The following CPXM2 variants were observed in gnomAD, a reference collection of about 807,000 sequenced individuals.
The protein encoded by CPXM2 is inactive carboxypeptidase-like protein X2.
Under a neutral mutation model 86.1 loss-of-function variants are expected in CPXM2, and 66 were observed. The observed-to-expected ratio is 0.77, with a 90% CI of 0.63 to 0.94. CPXM2 has a LOEUF of 0.94. Ranked by LOEUF, CPXM2 falls within the 40% of genes least tolerant of loss-of-function variation. The pLI is 0.00. For missense variants in CPXM2, 948 were observed against 1,026.3 expected (o/e 0.92, Z 1.04); for synonymous variants, 388 against 400.2 (o/e 0.97, Z 0.36).
intron 3 of CPXM2, among the ~76,000 whole-genome samples, chr10:123,859,800 G>A (rs1278734383): frequency 6.6e-6 from 1 of 152,198 alleles, no homozygotes; most frequent in African/African-American, 2.4e-5. Context: ...ATTCACTGAG[G>A]GGAGCTTGGC....
intron 2 of CPXM2, among the ~76,000 whole-genome samples, chr10:123,924,080 ACT>A (rs1945602497): frequency 6.6e-6 from 1 of 152,022 alleles, no homozygotes; most frequent in Non-Finnish European, 1.5e-5. Context: ...AGGGAAAAAC[ACT>A]CTTTTTCTTT....
chr10:123,869,297 C>T (rs894078410), intron 2 of CPXM2, among the ~76,000 whole-genome samples: 1 of 152,208 alleles, frequency 6.6e-6, no homozygotes. Context: ...CGCTCAGTGA[C>T]TCTTGAGCCA....
At chr10:123,841,791 C>T (rs17106110) in intron 4 of CPXM2, among the ~76,000 whole-genome samples, 27,438 of 152,238 alleles carry the variant, frequency 0.18, 3,354 homozygotes, top group East Asian at 0.4. Context: ...CATCAGATCA[C>T]ACTTGTCACT....
At chr10:123,917,104 T>C (rs1276479466) in intron 2 of CPXM2, among the ~76,000 whole-genome samples, 2 of 152,084 alleles carry the variant, frequency 1.3e-5, no homozygotes, top group African/African-American at 4.8e-5. Context: ...GATGGAGGCA[T>C]AGACATTCAG....
chr10:123,795,222 C>G (rs1847306255), intron 6 of CPXM2, among the ~76,000 whole-genome samples: 1 of 152,190 alleles, frequency 6.6e-6, no homozygotes, highest in Non-Finnish European at 1.5e-5. Flanking sequence ...AACTGACAGT[C>G]TGTACCCACT....
intron 2 of CPXM2, among the ~76,000 whole-genome samples, chr10:123,920,903 C>G (rs9423279): frequency 0.53 from 81,169 of 152,008 alleles, 24,666 homozygotes; most frequent in East Asian, 0.87. Flanking sequence ...ACCATGGGAT[C>G]ATGCAGTAAG....
intron 2 of CPXM2, among the ~76,000 whole-genome samples, chr10:123,864,654 C>A (rs912355801): frequency 6.6e-6 from 1 of 152,174 alleles, no homozygotes; most frequent in African/African-American, 2.4e-5. Flanking sequence ...CATTTATACA[C>A]TCTAAGTGAG....
At chr10:123,767,528 A>G (rs917169025) in intron 9 of CPXM2, among the ~76,000 whole-genome samples, 7 of 152,290 alleles carry the variant, frequency 4.6e-5, no homozygotes, top group Admixed American at 3.9e-4. Context: ...CTGCCTGCCC[A>G]TGATTCTGGC....
intron 2 of CPXM2, among the ~76,000 whole-genome samples, chr10:123,879,057 C>T (rs1251785935): frequency 1.3e-5 from 2 of 152,192 alleles, no homozygotes; most frequent in African/African-American, 2.4e-5. Context: ...GTGGAGTGCA[C>T]GCCTGCCCAC....
At chr10:123,866,660 T>A (rs984403474) in intron 2 of CPXM2, among the ~76,000 whole-genome samples, 1 of 152,072 alleles carries the variant, frequency 6.6e-6, no homozygotes, top group African/African-American at 2.4e-5. Flanking sequence ...GAGGCCCCCA[T>A]CAGGCAGGTG....
intron 2 of CPXM2, among the ~76,000 whole-genome samples, chr10:123,910,461 C>G (rs1945479587): frequency 6.6e-6 from 1 of 152,144 alleles, no homozygotes; most frequent in Non-Finnish European, 1.5e-5. Context: ...CACCCCCGGC[C>G]CCTGTTGCAG....
intron 4 of CPXM2, among the ~76,000 whole-genome samples, chr10:123,813,237 A>T (rs74162943): frequency 0.028 from 4,318 of 152,288 alleles, 196 homozygotes; most frequent in African/African-American, 0.098. Context: ...TCTAATAACA[A>T]TTCATCTGGC....
At chr10:123,923,830 C>A (rs544473570) in intron 2 of CPXM2, among the ~76,000 whole-genome samples, 2 of 152,144 alleles carry the variant, frequency 1.3e-5, no homozygotes, top group Admixed American at 6.5e-5. Context: ...TCCCTGCACA[C>A]GCTCTCTCCT....
At chr10:123,778,559 T>C (rs1846858229) in intron 7 of CPXM2, among the ~76,000 whole-genome samples, 1 of 152,230 alleles carries the variant, frequency 6.6e-6, no homozygotes, top group Non-Finnish European at 1.5e-5. Flanking sequence ...CATACTCCGC[T>C]TGCTTTCCTT....
Position 123,757,222 on chromosome 10 carries a change from G to C in CPXM2, c.1908C>G (p.Phe636Leu). ...WENNRESLIV[F>L]MEQVHRGIKG... ...CACACCCGCAATATACCTGCTCCATGAACACGATCAGAGATTCCCGGTTAT... is the reference window on the plus strand; with the variant it reads ...CACACCCGCAATATACCTGCTCCATCAACACGATCAGAGATTCCCGGTTAT... The change falls in exon 12 of 14, where the codon TTC becomes TTG. Residue 636 changes from phenylalanine to leucine, a missense_variant. Phe to Leu is a conservative substitution (Grantham distance 22, BLOSUM62 0). Transcript: ENST00000241305. 6.2e-7 allele frequency: 1 copy of C among 1,613,958 alleles called. No individual in the cohort carries two copies.
intron 3 of CPXM2, among the ~76,000 whole-genome samples, chr10:123,844,089 G>GCC (rs1423653405): frequency 9.2e-5 from 14 of 152,078 alleles, no homozygotes; most frequent in Non-Finnish European, 1.3e-4. Context: ...AGCCACCTCT[G>GCC]CAAAATCGAT....
intron 13 of CPXM2, chr10:123,751,493 A>G: frequency 1.0e-6 from 1 of 984,492 alleles, no homozygotes; most frequent in Non-Finnish European, 1.2e-6. Flanking sequence ...CACATCTCCT[A>G]TACGTGGGCA....
chr10:123,862,613 C>A lies in CPXM2; in HGVS notation c.513+1G>T, dbSNP rs1312409980. ...ATCCTTCCAACCACAGGGCCAGGTA[C>A]CTGGATGTTGAGTCTCCCTCGATGT... On this transcript the variant is annotated splice_donor_variant, in intron 3 of 13. Coordinates refer to ENST00000241305, the MANE Select transcript of CPXM2 (RefSeq NM_198148.3). LOFTEE classifies it high-confidence loss of function. The A allele has an allele frequency of 6.2e-7, 1 of 1,613,704 alleles. No homozygotes were observed. Among genetic ancestry groups the A allele is most frequent in the African/African-American group, 1.3e-5 (1 of 75,052 alleles).
intron 2 of CPXM2, among the ~76,000 whole-genome samples, chr10:123,934,793 C>T (rs1945700026): frequency 6.6e-6 from 1 of 152,190 alleles, no homozygotes; most frequent in Non-Finnish European, 1.5e-5. Flanking sequence ...TTCCTCCAGC[C>T]ATCTTTCTGC....
Sources: gnomAD v4.1 joint callset for allele counts (sites outside exome capture counted in the v4.1 genomes callset) on GRCh38, gnomAD v4.1.1 for gene constraint, MANE v1.5 for transcripts, NCBI Gene and HGNC (gene_info 2026-07-23, HGNC 2026-07-21) for gene names.